The following STT3B variants were observed in gnomAD, a reference collection of about 807,000 sequenced individuals.
STT3B encodes dolichyl-diphosphooligosaccharide--protein glycosyltransferase subunit STT3B.
In STT3B, 29 loss-of-function variants were observed where a neutral mutation model predicts 96.8. The ratio of observed to expected loss-of-function variants is 0.30; its 90% CI spans 0.22 to 0.41. STT3B has a LOEUF of 0.41. Among genes scored for constraint, STT3B ranks in the 10% least tolerant of loss-of-function variants. The pLI is 1.00. For missense variants in STT3B, 640 were observed against 1,022.3 expected (o/e 0.63, Z 5.10); for synonymous variants, 367 against 360.0 (o/e 1.02, Z -0.22).
At chr3:31,580,561 A>G (rs1206439804) in intron 3 of STT3B, among the ~76,000 whole-genome samples, 2 of 152,114 alleles carry the variant, frequency 1.3e-5, no homozygotes. Flanking sequence ...TTATGTATTT[A>G]TTATTTTAGC....
intron 9 of STT3B, among the ~76,000 whole-genome samples, chr3:31,620,889 G>T (rs1356060228): frequency 6.6e-6 from 1 of 151,628 alleles, no homozygotes; most frequent in Non-Finnish European, 1.5e-5. Context: ...TTAAAGGATT[G>T]CACACTCATT....
intron 5 of STT3B, among the ~76,000 whole-genome samples, chr3:31,600,850 T>A (rs1698912076): frequency 6.6e-6 from 1 of 152,260 alleles, no homozygotes; most frequent in Middle Eastern, 3.4e-3. Flanking sequence ...TTTTGGATAA[T>A]GTACTAATAG....
rs1698475880 is a variant in STT3B at position 31,583,929 on chromosome 3, CTAAT to C, written c.711+3839_711+3842del. Among the ~76,000 whole-genome samples, 5 of 152,176 alleles carry C rather than the reference CTAAT, an allele frequency of 3.3e-5. No individual in the cohort carries two copies. In the South Asian group the frequency reaches 1.0e-3, roughly 32 times the overall value. ...CATGAATTTTAAATTTTTATGAAGT[CTAAT>C]TAATTTTTGTTGTTGTTGTTGCTTG... On this transcript the variant is annotated intron_variant, in intron 3 of 15. Transcript: ENST00000295770.
At chr3:31,547,880 T>A (rs1482376243) in intron 1 of STT3B, among the ~76,000 whole-genome samples, 1 of 152,230 alleles carries the variant, frequency 6.6e-6, no homozygotes, top group East Asian at 1.9e-4. Flanking sequence ...CCTCAGCATA[T>A]CTCTGCAGTG....
At chr3:31,620,325 T>C (rs1288575806) in intron 9 of STT3B, 2 of 153,904 alleles carry the variant, frequency 1.3e-5, no homozygotes. Context: ...TTAAGTATTT[T>C]GATTGTTTTA....
chr3:31,597,958 C>A (rs917035490), intron 4 of STT3B, among the ~76,000 whole-genome samples: 5 of 151,696 alleles, frequency 3.3e-5, no homozygotes, highest in Admixed American at 1.3e-4. Context: ...GCCTCAGCCT[C>A]CCAAGTGGCT....
At chr3:31,608,356 A>G (rs943884222) in intron 5 of STT3B, among the ~76,000 whole-genome samples, 3 of 152,228 alleles carry the variant, frequency 2.0e-5, no homozygotes, top group Non-Finnish European at 4.4e-5. Flanking sequence ...AGATCGGTTT[A>G]CAATATTTAT....
intron 1 of STT3B, among the ~76,000 whole-genome samples, chr3:31,564,938 C>G (rs552324813): frequency 2.6e-5 from 4 of 152,228 alleles, no homozygotes; most frequent in African/African-American, 9.6e-5. Context: ...AATCAAAATA[C>G]CAATATATAA....
intron 1 of STT3B, among the ~76,000 whole-genome samples, chr3:31,561,097 G>A (rs1575414552): frequency 6.6e-6 from 1 of 151,608 alleles, no homozygotes; most frequent in South Asian, 2.1e-4. Flanking sequence ...TTTCTGTTTG[G>A]TTCTTTTTTA....
At chr3:31,592,403 A>G (rs915354785) in intron 3 of STT3B, among the ~76,000 whole-genome samples, 4 of 150,960 alleles carry the variant, frequency 2.6e-5, no homozygotes, top group African/African-American at 5.0e-5. Flanking sequence ...AAGTGGTTAT[A>G]CAAATCTCTC....
intron 7 of STT3B, 42 bp downstream of exon 7, chr3:31,617,117 A>G: frequency 7.2e-7 from 1 of 1,390,998 alleles, no homozygotes; most frequent in East Asian, 2.4e-5. Flanking sequence ...TGTCTATACA[A>G]ACAATATAAG....
chr3:31,614,997 T>G, intron 5 of STT3B, 108 bp from the exon 6 acceptor site: 1 of 569,536 alleles, frequency 1.8e-6, no homozygotes, highest in East Asian at 3.2e-5. Context: ...GATTCTGTTC[T>G]TAAATTCAGT....
intron 1 of STT3B, among the ~76,000 whole-genome samples, chr3:31,562,797 G>A (rs947096088): frequency 4.6e-5 from 7 of 152,172 alleles, no homozygotes; most frequent in African/African-American, 1.7e-4. Context: ...AGTGGCCCTG[G>A]CAGCAGGATG....
At chr3:31,540,991 A>T (rs1470412033) in intron 1 of STT3B, among the ~76,000 whole-genome samples, 1 of 152,224 alleles carries the variant, frequency 6.6e-6, no homozygotes, top group Non-Finnish European at 1.5e-5. Context: ...TTATTATTAA[A>T]GTAAATTATT....
chr3:31,533,942 A>G (rs1697018058), intron 1 of STT3B, among the ~76,000 whole-genome samples: 1 of 152,228 alleles, frequency 6.6e-6, no homozygotes, highest in Non-Finnish European at 1.5e-5. Context: ...GTTGGAGGGA[A>G]GGAAATAATA....
At chr3:31,631,394 A>G (rs1220362803) in intron 14 of STT3B, among the ~76,000 whole-genome samples, 2 of 152,222 alleles carry the variant, frequency 1.3e-5, no homozygotes, top group Admixed American at 1.3e-4. Flanking sequence ...CAGTTACCCC[A>G]GAAAACATAT....
intron 3 of STT3B, among the ~76,000 whole-genome samples, chr3:31,587,286 A>G (rs556365039): frequency 6.6e-6 from 1 of 152,228 alleles, no homozygotes; most frequent in African/African-American, 2.4e-5. Context: ...GCCCATGATC[A>G]GTGACTTTCC....
chr3:31,617,090 C>A lies in STT3B; in HGVS notation c.1123+15C>A, dbSNP rs771126609. On this transcript the variant is annotated intron_variant, in intron 7 of 15. Coordinates refer to ENST00000295770, the MANE Select transcript of STT3B (RefSeq NM_178862.3). ...GACTTATACAGGTACGTGTTATCAC[C>A]TGTAGGGTGTGAATATTGTCTATAC... The A allele has an allele frequency of 6.5e-7, 1 of 1,550,146 alleles. No individual in the cohort carries two copies. The highest frequency in any genetic ancestry group is 1.8e-5 in the Admixed American group (1 of 57,020).
At chr3:31,573,532 A>G (rs1698203568) in intron 1 of STT3B, among the ~76,000 whole-genome samples, 1 of 152,290 alleles carries the variant, frequency 6.6e-6, no homozygotes, top group Non-Finnish European at 1.5e-5. Flanking sequence ...GATGTGAGAG[A>G]GAAGGAACTT....
Sources: gnomAD v4.1 joint callset for allele counts (sites outside exome capture counted in the v4.1 genomes callset) on GRCh38, gnomAD v4.1.1 for gene constraint, MANE v1.5 for transcripts, NCBI Gene and HGNC (gene_info 2026-07-23, HGNC 2026-07-21) for gene names.